SPIDR: variants seen among roughly 807,000 people sequenced by gnomAD.
SPIDR encodes the protein scaffold protein involved in DNA repair, also known as DNA repair-scaffolding protein.
In SPIDR, 93 loss-of-function variants were observed where a neutral mutation model predicts 104.6. The observed-to-expected ratio is 0.89, with a 90% confidence interval of 0.75 to 1.06. The LOEUF (loss-of-function observed/expected upper bound fraction) is 1.06, where lower values mean the gene tolerates loss of function less well. Among genes scored for constraint, SPIDR ranks in the 50% least tolerant of loss-of-function variants. The pLI is 0.00. For missense variants in SPIDR, 1,154 were observed against 1,111.2 expected (o/e 1.04, Z -0.55); for synonymous variants, 431 against 416.9 (o/e 1.03, Z -0.41).
intron 10 of SPIDR, among the ~76,000 whole-genome samples, chr8:47,618,104 A>G (rs2064589556): frequency 6.6e-6 from 1 of 152,266 alleles, no homozygotes; most frequent in Non-Finnish European, 1.5e-5. Context: ...TCAGGAGACC[A>G]ATGCAGAGTT....
intron 3 of SPIDR, among the ~76,000 whole-genome samples, chr8:47,284,659 A>C (rs1301037382): frequency 2.0e-5 from 3 of 152,108 alleles, no homozygotes; most frequent in African/African-American, 4.8e-5. Flanking sequence ...CATGGTCAGG[A>C]GGTGTTGGCT....
intron 8 of SPIDR, among the ~76,000 whole-genome samples, chr8:47,561,564 C>T (rs551573909): frequency 6.6e-6 from 1 of 152,336 alleles, no homozygotes; most frequent in South Asian, 2.1e-4. Context: ...GATCAACTGA[C>T]TTTTAAATCC....
intron 10 of SPIDR, among the ~76,000 whole-genome samples, chr8:47,615,296 G>A (rs1285134031): frequency 6.6e-6 from 1 of 151,920 alleles, no homozygotes; most frequent in Non-Finnish European, 1.5e-5. Context: ...TCTTTTCTAA[G>A]AACTGTTATC....
At position 47,291,119 on chromosome 8, in the gene SPIDR, C is replaced by T; in HGVS notation, c.343C>T (p.Leu115Phe). The T allele has an allele frequency of 6.2e-7, 1 of 1,612,262 alleles. No individual in the cohort carries two copies. The highest frequency in any genetic ancestry group is 8.5e-7 in the Non-Finnish European group (1 of 1,178,760). Residue 115 changes from leucine to phenylalanine, a missense_variant, in exon 4 of 20, where the codon CTT becomes TTT. Coordinates refer to ENST00000297423, the MANE Select transcript of SPIDR (RefSeq NM_001080394.4). ...GSDLSDEDKT[L>F]SQLQRDELQF... ...TGATTTGTCGGATGAAGATAAGACA[C>T]TTTCTCAGTTACAGAGAGGTAATGG...
chr8:47,397,802 T>C (rs2061410350), intron 6 of SPIDR, among the ~76,000 whole-genome samples: 1 of 152,166 alleles, frequency 6.6e-6, no homozygotes, highest in African/African-American at 2.4e-5. Flanking sequence ...CTCTTCCGTA[T>C]TGCCAGTCAC....
At position 47,600,028 on chromosome 8, in the gene SPIDR, T is replaced by C. The variant is rs191422555; in HGVS notation, c.1544+832T>C. On this transcript the variant is annotated intron_variant, in intron 10 of 19. Transcript: ENST00000297423. Reference sequence around the variant, plus strand: ...CCGCCTCGGCCTCCCAAAGTGCTGGTATTACTGGCGTGAGCCACCACGCCC... The same window carrying C: ...CCGCCTCGGCCTCCCAAAGTGCTGGCATTACTGGCGTGAGCCACCACGCCC... 3.4e-3 allele frequency among the ~76,000 whole-genome samples: 512 copies of C among 152,062 alleles called. 7 individuals are homozygous for C. Among genetic ancestry groups the C allele is most frequent in the African/African-American group, 0.012 (484 of 41,526 alleles).
At chr8:47,636,858 G>A (rs1416422478) in intron 10 of SPIDR, among the ~76,000 whole-genome samples, 1 of 151,512 alleles carries the variant, frequency 6.6e-6, no homozygotes, top group Non-Finnish European at 1.5e-5. Flanking sequence ...GCAGCTATTT[G>A]GAAACATTTA....
At position 47,701,807 on chromosome 8, in the gene SPIDR, C is replaced by T. The variant is rs370145227; in HGVS notation, c.1860C>T (p.Asp620=). Reference sequence around the variant, plus strand: ...GACAAATTGATATAATTGACGAAGACCCCATTTATAAGCTTTACCAGCCTC... The same window carrying T: ...GACAAATTGATATAATTGACGAAGATCCCATTTATAAGCTTTACCAGCCTC... ...NLGQIDIIDE[D]PIYKLYQPPV... Residue 620 remains aspartate, a synonymous_variant, in exon 13 of 20, where the codon GAC becomes GAT. Coordinates refer to ENST00000297423, the MANE Select transcript of SPIDR (RefSeq NM_001080394.4). 22 of 1,613,994 alleles carry T rather than the reference C, an allele frequency of 1.4e-5. No individual in the cohort carries two copies. The highest frequency in any genetic ancestry group is 2.7e-5 in the African/African-American group (2 of 74,886).
At chr8:47,479,308 G>A (rs1210427368) in intron 8 of SPIDR, among the ~76,000 whole-genome samples, 1 of 150,326 alleles carries the variant, frequency 6.7e-6, no homozygotes, top group Admixed American at 6.6e-5. Flanking sequence ...GCAGTGAGCC[G>A]AGATTGCACC....
intron 14 of SPIDR, among the ~76,000 whole-genome samples, chr8:47,702,917 G>A (rs2080520280): frequency 6.6e-6 from 1 of 152,202 alleles, no homozygotes; most frequent in African/African-American, 2.4e-5. Flanking sequence ...TGCCCAGCAA[G>A]CAGTCTCAAG....
intron 8 of SPIDR, chr8:47,511,856 C>A (rs1030392922): frequency 1.2e-6 from 1 of 838,712 alleles, no homozygotes; most frequent in African/African-American, 1.7e-5. Flanking sequence ...TCTGAGGCCC[C>A]GGCATAAAAC....
chr8:47,439,632 A>G (rs529565994), intron 7 of SPIDR, among the ~76,000 whole-genome samples: 39 of 152,300 alleles, frequency 2.6e-4, no homozygotes, highest in African/African-American at 9.1e-4. Context: ...GGTATAGGCT[A>G]TGCACACTAT....
chr8:47,640,819 A>G (rs1335397880), intron 10 of SPIDR, among the ~76,000 whole-genome samples: 1 of 125,850 alleles, frequency 7.9e-6, no homozygotes, highest in Non-Finnish European at 1.6e-5. Context: ...CTGGAACTAC[A>G]GGTACACACT....
At chr8:47,279,305 T>C (rs2037239658) in intron 1 of SPIDR, 1 of 152,966 alleles carries the variant, frequency 6.5e-6, no homozygotes, top group Non-Finnish European at 1.5e-5. Context: ...ACCTTTTCTG[T>C]GTGTCTGCCA....
chr8:47,489,973 A>C (rs1308979702), intron 8 of SPIDR, among the ~76,000 whole-genome samples: 4 of 152,342 alleles, frequency 2.6e-5, no homozygotes, highest in Non-Finnish European at 5.9e-5. Flanking sequence ...CACCCAAAGC[A>C]ATGGCAACAA....
At chr8:47,368,914 A>G (rs10504060) in intron 5 of SPIDR, among the ~76,000 whole-genome samples, 14,739 of 152,328 alleles carry the variant, frequency 0.097, 947 homozygotes, top group Non-Finnish European at 0.14. Flanking sequence ...AACAGCTTCT[A>G]TCAGAGGTTT....
At chr8:47,278,233 G>T (rs1416954090) in intron 1 of SPIDR, among the ~76,000 whole-genome samples, 1 of 151,668 alleles carries the variant, frequency 6.6e-6, no homozygotes, top group Non-Finnish European at 1.5e-5. Flanking sequence ...AATCAGTGAT[G>T]CAGCCTTGAC....
chr8:47,322,667 C>T (rs1395202150), intron 5 of SPIDR, among the ~76,000 whole-genome samples: 2 of 152,084 alleles, frequency 1.3e-5, no homozygotes, highest in African/African-American at 4.8e-5. Flanking sequence ...TATTCACAAT[C>T]GCAGAGACTT....
intron 8 of SPIDR, among the ~76,000 whole-genome samples, chr8:47,492,925 G>A (rs1449437796): frequency 6.6e-6 from 1 of 151,888 alleles, no homozygotes; most frequent in Admixed American, 6.6e-5. Flanking sequence ...TATCTTGACT[G>A]TTCATTTAAG....
Sources: allele counts gnomAD v4.1 joint callset (sites outside exome capture counted in the v4.1 genomes callset), GRCh38; gene constraint gnomAD v4.1.1; transcripts MANE v1.5; gene names NCBI Gene and HGNC (gene_info 2026-07-23, HGNC 2026-07-21).